NCAM1: variants seen among roughly 807,000 people sequenced by gnomAD.
The protein encoded by NCAM1 is antigen recognized by monoclonal antibody 5.1H11.
In NCAM1, 14 loss-of-function variants were observed where a neutral mutation model predicts 109.8. The ratio of observed to expected loss-of-function variants is 0.13; its 90% confidence interval spans 0.08 to 0.20. The LOEUF is 0.20. Among genes scored for constraint, NCAM1 ranks in the 10% least tolerant of loss-of-function variants. NCAM1 has a pLI of 1.00. For missense variants in NCAM1, 774 were observed against 1,109.9 expected (o/e 0.70, Z 4.30); for synonymous variants, 418 against 442.9 (o/e 0.94, Z 0.70).
At chr11:113,068,983 C>T (rs1938123881) in intron 1 of NCAM1, among the ~76,000 whole-genome samples, 1 of 152,168 alleles carries the variant, frequency 6.6e-6, no homozygotes, top group Non-Finnish European at 1.5e-5. Flanking sequence ...GCTATCTTAA[C>T]AGATGTCCCA....
At chr11:113,024,017 G>C (rs1394377735) in intron 1 of NCAM1, among the ~76,000 whole-genome samples, 1 of 152,166 alleles carries the variant, frequency 6.6e-6, no homozygotes, top group Non-Finnish European at 1.5e-5. Flanking sequence ...TTAAAAAGTT[G>C]GGTCCGGTTT....
intron 1 of NCAM1, among the ~76,000 whole-genome samples, chr11:113,107,672 G>A (rs1460795477): frequency 2.0e-5 from 3 of 152,064 alleles, no homozygotes; most frequent in East Asian, 1.9e-4. Flanking sequence ...TCATTACCAC[G>A]AGGACAGTAT....
chr11:113,149,749 C>A (rs1174924707), intron 1 of NCAM1, among the ~76,000 whole-genome samples: 1 of 152,136 alleles, frequency 6.6e-6, no homozygotes, highest in African/African-American at 2.4e-5. Flanking sequence ...GATGGATTAG[C>A]CAAACTTTGT....
At chr11:113,059,142 C>T (rs1476673441) in intron 1 of NCAM1, among the ~76,000 whole-genome samples, 1 of 152,134 alleles carries the variant, frequency 6.6e-6, no homozygotes, top group African/African-American at 2.4e-5. Context: ...CTATCCTGGG[C>T]AAGCCATTTA....
Position 113,009,919 on chromosome 11 carries a change from A to T in NCAM1, c.52+48255A>T, listed in dbSNP as rs552454093. ...ATAAGAGACCAAGATCTTCAGGCAC[A>T]TGGAAGCTTGTATTTATCCACTGTC... On this transcript the variant is annotated intron_variant, in intron 1 of 19. Coordinates refer to ENST00000316851, the MANE Select transcript of NCAM1 (RefSeq NM_181351.5). 1.8e-4 allele frequency among the ~76,000 whole-genome samples: 27 copies of T among 152,334 alleles called. No individual in the cohort carries two copies. The East Asian group carries it at 5.0e-3, about 28-fold the overall frequency.
chr11:113,210,787 C>T (rs1944366101), intron 7 of NCAM1, among the ~76,000 whole-genome samples: 1 of 144,808 alleles, frequency 6.9e-6, no homozygotes, highest in Admixed American at 6.8e-5. Flanking sequence ...CACACACACA[C>T]ACACACACAC....
chr11:112,990,298 G>A (rs1951422284), intron 1 of NCAM1, among the ~76,000 whole-genome samples: 1 of 152,138 alleles, frequency 6.6e-6, no homozygotes, highest in African/African-American at 2.4e-5. Flanking sequence ...TACTGCCCTG[G>A]TCTATGGTTG....
chr11:112,967,220 C>T (rs897435100), intron 1 of NCAM1, among the ~76,000 whole-genome samples: 3 of 152,148 alleles, frequency 2.0e-5, no homozygotes, highest in Non-Finnish European at 4.4e-5. Context: ...CATTAATCAC[C>T]TCCTTTGGTA....
At chr11:113,117,184 T>C (rs536777701) in intron 1 of NCAM1, among the ~76,000 whole-genome samples, 1 of 152,150 alleles carries the variant, frequency 6.6e-6, no homozygotes, top group Admixed American at 6.5e-5. Flanking sequence ...ATAAGCCATT[T>C]AGTGGCCAGC....
At chr11:113,159,812 C>T (rs1336868089) in intron 1 of NCAM1, among the ~76,000 whole-genome samples, 13 of 150,000 alleles carry the variant, frequency 8.7e-5, no homozygotes, top group Admixed American at 6.0e-4. Context: ...CCTATTAACT[C>T]GTCATTTAAC....
intron 1 of NCAM1, among the ~76,000 whole-genome samples, chr11:112,997,891 C>G (rs1591229394): frequency 6.6e-6 from 1 of 152,122 alleles, no homozygotes; most frequent in South Asian, 2.1e-4. Flanking sequence ...CTTATGAAAG[C>G]CTAAAAAGTG....
chr11:112,998,282 A>G (rs1951653125), intron 1 of NCAM1, among the ~76,000 whole-genome samples: 1 of 152,196 alleles, frequency 6.6e-6, no homozygotes, highest in Non-Finnish European at 1.5e-5. Context: ...CAGTTCACCA[A>G]GGCACATGCC....
At chr11:113,117,370 G>T (rs1940756166) in intron 1 of NCAM1, among the ~76,000 whole-genome samples, 1 of 151,950 alleles carries the variant, frequency 6.6e-6, no homozygotes, top group African/African-American at 2.4e-5. Context: ...AAGTTACACT[G>T]TTGTTAGTGA....
At position 113,274,351 on chromosome 11, in the gene NCAM1, A is replaced by G. The variant is rs618114; in HGVS notation, c.2457-916A>G. Among the ~76,000 whole-genome samples, 95,104 of 151,580 alleles carry G rather than the reference A, an allele frequency of 0.63. 31,396 individuals carry two copies. The highest frequency in any genetic ancestry group is 0.79 in the African/African-American group (32,543 of 41,314). Reference sequence around the variant, plus strand: ...AATGGCTGCTGGGTCTCAAAGTTCAAGAGAAAGGCCTTAACCTTTCAGGTT... The same window carrying G: ...AATGGCTGCTGGGTCTCAAAGTTCAGGAGAAAGGCCTTAACCTTTCAGGTT... On this transcript the variant is annotated intron_variant, in intron 19 of 19. Transcript: ENST00000316851. The surrounding 1 kb of genome is among the most constrained non-coding windows in gnomAD (Gnocchi z 4.1).
intron 1 of NCAM1, among the ~76,000 whole-genome samples, chr11:113,028,164 A>T (rs1555077717): frequency 6.6e-6 from 1 of 152,176 alleles, no homozygotes; most frequent in Non-Finnish European, 1.5e-5. Context: ...ATATTTCAAG[A>T]TAGCTAACGA....
intron 1 of NCAM1, among the ~76,000 whole-genome samples, chr11:113,200,143 T>C (rs1321239016): frequency 6.6e-6 from 1 of 152,242 alleles, no homozygotes; most frequent in Non-Finnish European, 1.5e-5. Flanking sequence ...ATACTCAGCA[T>C]ATGGTCCAGC....
rs370857596 is a variant in NCAM1, at chr11:113,186,784, G to A, written c.53-15595G>A. ...GATCAGGGTCTCATGGAGTGTCCTA[G>A]CAATAGCCTCTGAGTTCAGAGCATG... On this transcript the variant is annotated intron_variant, in intron 1 of 19. Coordinates refer to ENST00000316851, the MANE Select transcript of NCAM1 (RefSeq NM_181351.5). Among the ~76,000 whole-genome samples the A allele has an allele frequency of 5.3e-5, 8 of 152,326 alleles. No individual in the cohort carries two copies. In the East Asian group the frequency reaches 1.4e-3, roughly 26 times the overall value.
chr11:113,009,447 C>A (rs1158655128), intron 1 of NCAM1, among the ~76,000 whole-genome samples: 1 of 151,282 alleles, frequency 6.6e-6, no homozygotes, highest in Non-Finnish European at 1.5e-5. Context: ...ACCTCAGTCA[C>A]CCGAGTAGCT....
intron 1 of NCAM1, among the ~76,000 whole-genome samples, chr11:112,970,258 C>G (rs1950842764): frequency 6.6e-6 from 1 of 152,122 alleles, no homozygotes; most frequent in South Asian, 2.1e-4. Flanking sequence ...GCCTCAGGCT[C>G]TATGTTTGGG....
Sources: allele counts gnomAD v4.1 joint callset (sites outside exome capture counted in the v4.1 genomes callset), GRCh38; gene constraint gnomAD v4.1.1; non-coding constraint Gnocchi (gnomAD v3.1); transcripts MANE v1.5; gene names NCBI Gene and HGNC (gene_info 2026-07-23, HGNC 2026-07-21).